The following DGKB variants were observed in gnomAD, a reference collection of about 807,000 sequenced individuals.
DGKB encodes 90 kDa diacylglycerol kinase.
DGKB carries 67 observed loss-of-function variants against 114.3 expected under a neutral mutation model. The ratio of observed to expected loss-of-function variants is 0.59; its 90% CI spans 0.48 to 0.72. The LOEUF (loss-of-function observed/expected upper bound fraction) is 0.72, where lower values mean the gene tolerates loss of function less well. Ranked by LOEUF, DGKB falls within the 30% of genes least tolerant of loss-of-function variation. The probability of loss-of-function intolerance (pLI) is 0.00; values close to 1 mark genes in which losing one functional copy is unlikely to be tolerated. For synonymous variants in DGKB, 398 were observed against 323.1 expected (o/e 1.23, Z -2.49); for missense variants, 907 against 975.2 (o/e 0.93, Z 0.93).
intron 19 of DGKB, 41 bp downstream of exon 19, chr7:14,580,821 G>A (rs1403694052): frequency 7.2e-7 from 1 of 1,396,312 alleles, no homozygotes; most frequent in Non-Finnish European, 1.0e-6. Context: ...GGAAAGGGGT[G>A]TTGTGTACTG....
chr7:14,316,133 A>G (rs1806460541), intron 23 of DGKB, among the ~76,000 whole-genome samples: 1 of 151,868 alleles, frequency 6.6e-6, no homozygotes, highest in Admixed American at 6.6e-5. Context: ...CATTCAAAGC[A>G]GTGTGTAGAG....
chr7:14,188,061 A>C (rs1234560222), intron 23 of DGKB, among the ~76,000 whole-genome samples: 1 of 152,170 alleles, frequency 6.6e-6, no homozygotes, highest in Non-Finnish European at 1.5e-5. Context: ...AAATGAAAAA[A>C]ATACATAACT....
chr7:14,373,441 A>G (rs1817992510), intron 21 of DGKB, among the ~76,000 whole-genome samples: 1 of 152,174 alleles, frequency 6.6e-6, no homozygotes, highest in Non-Finnish European at 1.5e-5. Flanking sequence ...AAGTAAATAA[A>G]ATTTTAAAAT....
intron 20 of DGKB, among the ~76,000 whole-genome samples, chr7:14,552,401 G>C (rs890264347): frequency 2.0e-5 from 3 of 152,180 alleles, no homozygotes; most frequent in African/African-American, 7.2e-5. Context: ...TACACTGTCA[G>C]AAGTAGTTAA....
intron 20 of DGKB, among the ~76,000 whole-genome samples, chr7:14,491,680 G>T (rs899469765): frequency 1.4e-4 from 22 of 151,950 alleles, no homozygotes; most frequent in Non-Finnish European, 2.1e-4. Flanking sequence ...CATAATGGTA[G>T]GTTTTATTTA....
chr7:14,493,992 A>G (rs1407642106), intron 20 of DGKB, among the ~76,000 whole-genome samples: 1 of 151,592 alleles, frequency 6.6e-6, no homozygotes, highest in African/African-American at 2.4e-5. Context: ...AATTAAACTG[A>G]AATGTGATGT....
chr7:14,287,486 A>G (rs909210333), intron 23 of DGKB, among the ~76,000 whole-genome samples: 3 of 152,166 alleles, frequency 2.0e-5, no homozygotes, highest in Admixed American at 6.6e-5. Context: ...TAAATGCACA[A>G]TGAAGATTTG....
chr7:14,204,555 T>C (rs979121335), intron 23 of DGKB, among the ~76,000 whole-genome samples: 2 of 152,006 alleles, frequency 1.3e-5, no homozygotes, highest in Non-Finnish European at 2.9e-5. Context: ...TGAGAAAACA[T>C]AGGGCTTATG....
At chr7:14,509,265 G>T (rs1490750164) in intron 20 of DGKB, among the ~76,000 whole-genome samples, 1 of 151,992 alleles carries the variant, frequency 6.6e-6, no homozygotes, top group African/African-American at 2.4e-5. Flanking sequence ...TTTCTGGGGT[G>T]CCAGTTGAGT....
chr7:14,396,540 TC>T (rs1322538638), intron 21 of DGKB, among the ~76,000 whole-genome samples: 4 of 152,132 alleles, frequency 2.6e-5, no homozygotes, highest in Non-Finnish European at 5.9e-5. Flanking sequence ...AAACTCCACA[TC>T]TGTGTGGCCA....
intron 17 of DGKB, among the ~76,000 whole-genome samples, chr7:14,605,474 C>G (rs1193994213): frequency 1.3e-5 from 2 of 151,148 alleles, no homozygotes; most frequent in African/African-American, 2.4e-5. Context: ...TGGGAAGCTA[C>G]AGCAAACAAC....
intron 1 of DGKB, among the ~76,000 whole-genome samples, chr7:14,859,258 G>T (rs1433232051): frequency 6.6e-6 from 1 of 152,060 alleles, no homozygotes; most frequent in Non-Finnish European, 1.5e-5. Flanking sequence ...CTGGACAAAA[G>T]ACCTGAATAT....
chr7:14,629,499 T>A (rs10278943), intron 14 of DGKB, among the ~76,000 whole-genome samples: 1 of 151,990 alleles, frequency 6.6e-6, no homozygotes, highest in African/African-American at 2.4e-5. Flanking sequence ...TTATGTAGCA[T>A]TCATATAAGC....
At chr7:14,225,800 T>G (rs1182935573) in intron 23 of DGKB, among the ~76,000 whole-genome samples, 1 of 151,922 alleles carries the variant, frequency 6.6e-6, no homozygotes, top group Admixed American at 6.6e-5. Flanking sequence ...AGGCCTAAAT[T>G]TAGTCTTTAA....
intron 21 of DGKB, among the ~76,000 whole-genome samples, chr7:14,374,444 G>A (rs1046620079): frequency 1.3e-5 from 2 of 152,148 alleles, no homozygotes; most frequent in Admixed American, 1.3e-4. Context: ...TCTTTGCAAT[G>A]TGCCTCAGCT....
At chr7:14,162,849 G>A (rs192122872) in intron 25 of DGKB, among the ~76,000 whole-genome samples, 2 of 152,190 alleles carry the variant, frequency 1.3e-5, no homozygotes, top group Admixed American at 6.5e-5. Context: ...AATCAGCTTG[G>A]CATTAATTAA....
intron 23 of DGKB, among the ~76,000 whole-genome samples, chr7:14,295,209 T>A (rs1182939289): frequency 6.6e-6 from 1 of 152,260 alleles, no homozygotes; most frequent in East Asian, 1.9e-4. Flanking sequence ...TTTTACTTTA[T>A]AGAAAGGAAA....
intron 25 of DGKB, among the ~76,000 whole-genome samples, chr7:14,152,466 A>G (rs2128213896): frequency 6.6e-6 from 1 of 152,022 alleles, no homozygotes; most frequent in East Asian, 1.9e-4. Context: ...CATTGCTTAC[A>G]ACATGCAAGG....
At chr7:14,382,376 A>G (rs920662249) in intron 21 of DGKB, among the ~76,000 whole-genome samples, 1 of 83,362 alleles carries the variant, frequency 1.2e-5, no homozygotes, top group African/African-American at 3.5e-5. Context: ...ACTCAAATAC[A>G]TAGTTTTTTT....
Sources: allele counts gnomAD v4.1 joint callset (sites outside exome capture counted in the v4.1 genomes callset), GRCh38; gene constraint gnomAD v4.1.1; transcripts MANE v1.5; gene names NCBI Gene and HGNC (gene_info 2026-07-23, HGNC 2026-07-21).